ZNF503: variants seen among roughly 807,000 people sequenced by gnomAD.
ZNF503 encodes the protein NocA-like zinc finger 2.
ZNF503 carries 15 observed loss-of-function variants against 34.4 expected under a neutral mutation model. The observed-to-expected ratio is 0.44, with a 90% CI of 0.29 to 0.67. The LOEUF is 0.67. Among genes scored for constraint, ZNF503 ranks in the 30% least tolerant of loss-of-function variants. The pLI, the probability that ZNF503 is intolerant of heterozygous loss-of-function variation, is 0.13. For synonymous variants in ZNF503, 580 were observed against 456.8 expected (o/e 1.27, Z -3.44); for missense variants, 1,007 against 926.8 (o/e 1.09, Z -1.12).
At chr10:75,280,599 A>G in the ZNF503 span, among the ~76,000 whole-genome samples, 1 of 149,534 alleles carries the variant, frequency 6.7e-6, no homozygotes, top group Admixed American at 6.7e-5. Context: ...TATGGGAAAC[A>G]CTGTGTTTTC....
chr10:75,316,218 A>G, the ZNF503 span, among the ~76,000 whole-genome samples: 1 of 152,348 alleles, frequency 6.6e-6, no homozygotes, highest in South Asian at 2.1e-4. Context: ...TTTAGACCAG[A>G]TCAACCTCAT....
the ZNF503 span, among the ~76,000 whole-genome samples, chr10:75,325,983 C>T: frequency 2.1e-4 from 32 of 152,224 alleles, no homozygotes; most frequent in Admixed American, 7.8e-4. Flanking sequence ...CTTGGCCTCC[C>T]TCAGTGCTGG....
chr10:75,347,913 G>A, the ZNF503 span, among the ~76,000 whole-genome samples: 1 of 152,058 alleles, frequency 6.6e-6, no homozygotes, highest in Non-Finnish European at 1.5e-5. Flanking sequence ...GTCTTCCTCT[G>A]TCCCATCTCG....
the ZNF503 span, among the ~76,000 whole-genome samples, chr10:75,371,148 G>A: frequency 2.0e-5 from 3 of 152,110 alleles, no homozygotes; most frequent in Admixed American, 6.6e-5. Flanking sequence ...ACTGGCCTCC[G>A]AGGCACTGTG....
At chr10:75,370,573 G>T in the ZNF503 span, among the ~76,000 whole-genome samples, 12 of 151,970 alleles carry the variant, frequency 7.9e-5, no homozygotes, top group Admixed American at 7.9e-4. Context: ...GAGGTCAGGA[G>T]TTTGAGACCA....
chr10:75,333,244 C>A, the ZNF503 span, among the ~76,000 whole-genome samples: 1 of 106,664 alleles, frequency 9.4e-6, no homozygotes, highest in Non-Finnish European at 2.0e-5. Context: ...TGACCCCCCC[C>A]ACCTCCCTCC....
the ZNF503 span, among the ~76,000 whole-genome samples, chr10:75,376,888 G>C: frequency 6.6e-6 from 1 of 152,122 alleles, no homozygotes; most frequent in African/African-American, 2.4e-5. Context: ...CAGCATGGGG[G>C]AACCGCCCCA....
the ZNF503 span, among the ~76,000 whole-genome samples, chr10:75,311,987 C>T: frequency 1.3e-5 from 2 of 151,970 alleles, no homozygotes; most frequent in South Asian, 2.1e-4. Context: ...TCAAGTGGTC[C>T]GCCTGCCTCA....
chr10:75,363,548 C>T, the ZNF503 span, among the ~76,000 whole-genome samples: 5 of 152,190 alleles, frequency 3.3e-5, no homozygotes, highest in African/African-American at 7.2e-5. Context: ...AGGACAGTCT[C>T]GCCCAGCAAA....
chr10:75,360,403 G>A, the ZNF503 span, among the ~76,000 whole-genome samples: 1 of 152,146 alleles, frequency 6.6e-6, no homozygotes, highest in Non-Finnish European at 1.5e-5. Flanking sequence ...TGGGATTACA[G>A]GCGTGAGCCA....
At chr10:75,288,584 G>A in the ZNF503 span, 1 of 152,712 alleles carries the variant, frequency 6.5e-6, no homozygotes. Flanking sequence ...CACAGATACA[G>A]TGGACACTCC....
At chr10:75,296,090 G>A in the ZNF503 span, among the ~76,000 whole-genome samples, 1 of 152,216 alleles carries the variant, frequency 6.6e-6, no homozygotes, top group African/African-American at 2.4e-5. Flanking sequence ...TTATAGCCCC[G>A]TGGTAATAAA....
In ZNF503 at chr10:75,397,873, T is replaced by G. The variant is rs1017456578; in HGVS notation, c.*876A>C. 2 of 152,796 alleles carry G rather than the reference T, an allele frequency of 1.3e-5. No individual in the cohort carries two copies. Among genetic ancestry groups the G allele is most frequent in the East Asian group, 3.9e-4 (2 of 5,194 alleles). 9.5% of individuals were successfully genotyped at this position (152,796 alleles called of 1,614,324 possible). ...ATACATCAAATATACGGAATTTTAA[T>G]CTTTAAAGCGATACATTGTCTATTA... On this transcript the variant is annotated 3_prime_UTR_variant, in exon 2 of 2. Coordinates refer to ENST00000372524, the MANE Select transcript of ZNF503 (RefSeq NM_032772.6).
chr10:75,322,543 T>G, the ZNF503 span, among the ~76,000 whole-genome samples: 4 of 152,250 alleles, frequency 2.6e-5, no homozygotes, highest in East Asian at 3.9e-4. Context: ...CAATGTTTAT[T>G]TTTTGGCCAG....
chr10:75,384,794 G>T, the ZNF503 span, among the ~76,000 whole-genome samples: 1 of 152,170 alleles, frequency 6.6e-6, no homozygotes, highest in South Asian at 2.1e-4. Context: ...TTCCTCTGAG[G>T]TCTCTTGTCC....
the ZNF503 span, among the ~76,000 whole-genome samples, chr10:75,346,535 A>C: frequency 6.6e-6 from 1 of 151,200 alleles, no homozygotes; most frequent in Non-Finnish European, 1.5e-5. Context: ...CGTTCAGGCA[A>C]TCCTCCTGCC....
the ZNF503 span, among the ~76,000 whole-genome samples, chr10:75,346,602 G>A: frequency 6.6e-6 from 1 of 151,370 alleles, no homozygotes; most frequent in Admixed American, 6.6e-5. Flanking sequence ...ACCATGCCCA[G>A]CTAACTTTTT....
the ZNF503 span, among the ~76,000 whole-genome samples, chr10:75,368,107 T>C: frequency 2.6e-5 from 4 of 152,176 alleles, no homozygotes; most frequent in Non-Finnish European, 2.9e-5. Context: ...TTTGACCCCA[T>C]GTCCTTGAGC....
At chr10:75,396,168 G>C (rs1472630244), downstream of ZNF503, among the ~76,000 whole-genome samples, 1 of 152,238 alleles carries the variant, frequency 6.6e-6, no homozygotes, top group East Asian at 1.9e-4. This position sits in a 1 kb window ranked among gnomAD's most constrained non-coding sequence, Gnocchi z 4.4. Context: ...GTCTGTCCAA[G>C]AGGCCGGGGC....
Sources: allele counts gnomAD v4.1 joint callset (sites outside exome capture counted in the v4.1 genomes callset), GRCh38; gene constraint gnomAD v4.1.1; non-coding constraint Gnocchi (gnomAD v3.1); transcripts MANE v1.5; gene names NCBI Gene and HGNC (gene_info 2026-07-23, HGNC 2026-07-21).